PTPRR: variants seen among roughly 807,000 people sequenced by gnomAD.
PTPRR encodes the protein receptor-type tyrosine-protein phosphatase R.
Under a neutral mutation model 77.2 loss-of-function variants are expected in PTPRR, and 38 were observed. The observed-to-expected ratio is 0.49, with a 90% confidence interval of 0.38 to 0.65. The LOEUF is 0.65. Among genes scored for constraint, PTPRR ranks in the 30% least tolerant of loss-of-function variants. PTPRR has a pLI of 0.00. For synonymous variants in PTPRR, 299 were observed against 283.1 expected, an observed-to-expected ratio of 1.06 and a Z score of -0.57; for missense variants, 744 against 799.2, an observed-to-expected ratio of 0.93 and a Z score of 0.83.
intron 1 of PTPRR, among the ~76,000 whole-genome samples, chr12:70,895,706 C>A (rs1035467848): frequency 6.6e-6 from 1 of 151,596 alleles, no homozygotes; most frequent in Non-Finnish European, 1.5e-5. Flanking sequence ...GCCTAGGAAT[C>A]TGGATTTATA....
chr12:70,754,949 A>C (rs1370158273), intron 4 of PTPRR, among the ~76,000 whole-genome samples: 1 of 152,174 alleles, frequency 6.6e-6, no homozygotes, highest in African/African-American at 2.4e-5. Context: ...TTTGTCAATA[A>C]AAGGTAGAAT....
chr12:70,917,825 A>T (rs1893797041), intron 1 of PTPRR, among the ~76,000 whole-genome samples: 1 of 152,184 alleles, frequency 6.6e-6, no homozygotes, highest in Non-Finnish European at 1.5e-5. Context: ...GAACACTTAC[A>T]TCCCGTTAGC....
In PTPRR at chr12:70,707,300, T is replaced by C. The variant is rs941358259; in HGVS notation, c.1008-5977A>G. Among the ~76,000 whole-genome samples the C allele has an allele frequency of 2.0e-5, 3 of 152,272 alleles. No individual in the cohort carries two copies. The East Asian group carries it at 5.8e-4, about 29-fold the overall frequency. On this transcript the variant is annotated intron_variant, in intron 6 of 13. Coordinates refer to ENST00000283228, the MANE Select transcript of PTPRR (RefSeq NM_002849.4). ...GTAACTGCTAAGAACATTTTTTGTG[T>C]ATGTCCTTCAAGTCCTTATATGTAT... is the stretch of plus-strand genomic sequence containing the variant.
rs746595856 is a variant in PTPRR, at chr12:70,658,883, G to GTTTTTTTTT, written c.1766+2048_1766+2056dup. Among the ~76,000 whole-genome samples the GTTTTTTTTT allele has an allele frequency of 3.8e-4, 14 of 36,936 alleles. 1 individual carries two copies. Among genetic ancestry groups the GTTTTTTTTT allele is most frequent in the Admixed American group, 8.9e-4 (2 of 2,254 alleles). The allele number at this position is 36,936 out of a possible 152,430, so 24.2% of individuals were successfully genotyped here. Reference sequence around the variant, plus strand: ...TTCAACGTTAGGGACTTTTGCTCTAGTTTTTTTTTTTTTTTTTTTTTTTTT... The same window carrying GTTTTTTTTT: ...TTCAACGTTAGGGACTTTTGCTCTAGTTTTTTTTTTTTTTTTTTTTTTTTTTTTTTTTTT... On this transcript the variant is annotated intron_variant, in intron 12 of 13. Coordinates refer to ENST00000283228, the MANE Select transcript of PTPRR (RefSeq NM_002849.4).
chr12:70,839,373 A>G (rs1046703148), intron 2 of PTPRR, among the ~76,000 whole-genome samples: 3 of 151,838 alleles, frequency 2.0e-5, no homozygotes, highest in African/African-American at 7.3e-5. Context: ...GACCATTTGA[A>G]CAGCATTACT....
chr12:70,765,307 C>A (rs1454429853), intron 2 of PTPRR, among the ~76,000 whole-genome samples: 1 of 152,172 alleles, frequency 6.6e-6, no homozygotes, highest in Non-Finnish European at 1.5e-5. Flanking sequence ...ACTCCCACCC[C>A]AATACTGCGC....
intron 1 of PTPRR, among the ~76,000 whole-genome samples, chr12:70,907,527 G>T (rs574686120): frequency 6.6e-6 from 1 of 152,262 alleles, no homozygotes; most frequent in Non-Finnish European, 1.5e-5. Flanking sequence ...TCTGCTATTT[G>T]CTGGTGGTAA....
intron 1 of PTPRR, among the ~76,000 whole-genome samples, chr12:70,908,368 G>A (rs920321315): frequency 1.3e-5 from 2 of 152,100 alleles, no homozygotes; most frequent in African/African-American, 4.8e-5. Flanking sequence ...AGAAAAAGAG[G>A]TGTAATTGAC....
At chr12:70,729,108 A>T (rs1037134594) in intron 6 of PTPRR, among the ~76,000 whole-genome samples, 4 of 152,168 alleles carry the variant, frequency 2.6e-5, no homozygotes, top group Admixed American at 2.0e-4. Flanking sequence ...ACAGTTCCCA[A>T]ATAGGAATAA....
At chr12:70,659,095 G>A (rs1258754223) in intron 12 of PTPRR, among the ~76,000 whole-genome samples, 3 of 151,742 alleles carry the variant, frequency 2.0e-5, no homozygotes, top group South Asian at 4.2e-4. Flanking sequence ...TAGAGAGGGC[G>A]TTTCATCATA....
intron 1 of PTPRR, among the ~76,000 whole-genome samples, chr12:70,897,362 C>G (rs1246682719): frequency 6.6e-6 from 1 of 151,968 alleles, no homozygotes; most frequent in Non-Finnish European, 1.5e-5. Flanking sequence ...ACAGACACTT[C>G]TCAAAAGAAG....
rs150732074 is a variant in PTPRR, at chr12:70,897,061, G to C, written c.59-4084C>G. Among the ~76,000 whole-genome samples, 712 of 151,846 alleles carry C rather than the reference G, an allele frequency of 4.7e-3. 32 individuals carry two copies. The highest frequency in any genetic ancestry group is 0.042 in the Admixed American group (643 of 15,220). Reference sequence around the variant, plus strand: ...CAGGTAGCGTGATGCCTCCAGCTTTGTTCGTTTGGCTTAGGATTGACTTGG... The same window carrying C: ...CAGGTAGCGTGATGCCTCCAGCTTTCTTCGTTTGGCTTAGGATTGACTTGG... On this transcript the variant is annotated intron_variant, in intron 1 of 13. Transcript: ENST00000283228.
intron 13 of PTPRR, among the ~76,000 whole-genome samples, chr12:70,644,409 G>A (rs1886121964): frequency 6.6e-6 from 1 of 152,130 alleles, no homozygotes; most frequent in Non-Finnish European, 1.5e-5. Context: ...TCATTACCAG[G>A]GGGGACCAGA....
At chr12:70,684,901 A>G (rs1887802923) in intron 8 of PTPRR, 118 bp from the exon 9 acceptor site, 4 of 647,408 alleles carry the variant, frequency 6.2e-6, no homozygotes, top group Middle Eastern at 4.3e-4. Context: ...GTGCATGTCA[A>G]TGTTTGTCTT....
chr12:70,856,253 A>G (rs1228471826), intron 2 of PTPRR, among the ~76,000 whole-genome samples: 1 of 152,162 alleles, frequency 6.6e-6, no homozygotes, highest in Non-Finnish European at 1.5e-5. Context: ...TGGTGGGGAG[A>G]AAGACATTCC....
intron 2 of PTPRR, among the ~76,000 whole-genome samples, chr12:70,887,486 A>T (rs1307814602): frequency 6.6e-6 from 1 of 152,128 alleles, no homozygotes; most frequent in Non-Finnish European, 1.5e-5. Flanking sequence ...AGAAAAAAGT[A>T]GGAAATTTAC....
intron 11 of PTPRR, 47 bp downstream of exon 11, chr12:70,662,448 C>A: frequency 8.9e-7 from 1 of 1,120,622 alleles, no homozygotes; most frequent in South Asian, 1.5e-5. Context: ...AAATGTAATC[C>A]TCTAACATCA....
chr12:70,708,720 T>TA (rs1351915932), intron 6 of PTPRR, among the ~76,000 whole-genome samples: 3 of 151,884 alleles, frequency 2.0e-5, no homozygotes, highest in African/African-American at 4.8e-5. Flanking sequence ...AAAAAGATGC[T>TA]AAAAAAATTA....
Position 70,707,695 on chromosome 12 carries a change from G to A in PTPRR, c.1008-6372C>T, listed in dbSNP as rs1888667868. On this transcript the variant is annotated intron_variant, in intron 6 of 13. Transcript: ENST00000283228. The stretch of plus-strand genomic sequence containing the variant: ...TCTCTTGAGTTTGGAGAAGTCAGTG[G>A]GCACTCGCAGTGTGGAAGAGGCATG... Among the ~76,000 whole-genome samples the A allele has an allele frequency of 3.3e-5, 5 of 152,136 alleles. 1 individual carries two copies. The highest frequency in any genetic ancestry group is 3.3e-4 in the Admixed American group (5 of 15,240).
Sources: gnomAD v4.1 joint callset for allele counts (sites outside exome capture counted in the v4.1 genomes callset) on GRCh38, gnomAD v4.1.1 for gene constraint, MANE v1.5 for transcripts, NCBI Gene and HGNC (gene_info 2026-07-23, HGNC 2026-07-21) for gene names.